The following TESC variants were observed in gnomAD, a reference collection of about 807,000 sequenced individuals.
The protein encoded by TESC is calcineurin B homologous protein 3.
In TESC, 19 loss-of-function variants were observed where a neutral mutation model predicts 31.0. That is an observed-to-expected ratio of 0.61 (90% CI 0.43 to 0.90). The LOEUF is 0.90. Ranked by LOEUF, TESC falls within the 40% of genes least tolerant of loss-of-function variation. The probability of loss-of-function intolerance (pLI) is 0.00; values close to 1 mark genes in which losing one functional copy is unlikely to be tolerated. For synonymous variants in TESC, 109 were observed against 114.8 expected (o/e 0.95, Z 0.32); for missense variants, 248 against 303.8 (o/e 0.82, Z 1.36).
intron 2 of TESC, among the ~76,000 whole-genome samples, chr12:117,058,331 T>C (rs1018534830): frequency 2.5e-4 from 38 of 152,060 alleles, no homozygotes; most frequent in African/African-American, 8.5e-4. Flanking sequence ...ACATGAATTA[T>C]CTGGAATAGG....
At chr12:117,061,324 G>A (rs1050661988) in intron 2 of TESC, among the ~76,000 whole-genome samples, 2 of 152,112 alleles carry the variant, frequency 1.3e-5, no homozygotes, top group Non-Finnish European at 2.9e-5. Flanking sequence ...ATGGCTGCAC[G>A]CAGGGCTTCC....
At chr12:117,040,151 G>A (rs1264005773) in intron 7 of TESC, among the ~76,000 whole-genome samples, 5 of 152,240 alleles carry the variant, frequency 3.3e-5, no homozygotes, top group Admixed American at 2.6e-4. Context: ...GGAGGCCTTG[G>A]GACATTTCCG....
chr12:117,044,043 C>A (rs1037688651), intron 6 of TESC, among the ~76,000 whole-genome samples: 1 of 152,108 alleles, frequency 6.6e-6, no homozygotes, highest in South Asian at 2.1e-4. Context: ...GCCAGGAGTT[C>A]GAGACCAGAC....
intron 1 of TESC, among the ~76,000 whole-genome samples, chr12:117,098,016 T>C (rs949514140): frequency 3.9e-5 from 6 of 152,186 alleles, no homozygotes; most frequent in African/African-American, 1.4e-4. Context: ...TATAAGTGCG[T>C]GCATACACAC....
chr12:117,071,147 G>A (rs376574187), intron 2 of TESC, among the ~76,000 whole-genome samples: 12 of 152,194 alleles, frequency 7.9e-5, no homozygotes, highest in South Asian at 2.1e-4. Flanking sequence ...CAGGCCTCAC[G>A]TAGGCCACGC....
intron 1 of TESC, among the ~76,000 whole-genome samples, chr12:117,079,086 G>A (rs1389318709): frequency 1.3e-5 from 2 of 152,132 alleles, no homozygotes; most frequent in Non-Finnish European, 2.9e-5. Context: ...CCTTGATAGA[G>A]GCAGACCCAC....
rs150516802 is a variant in TESC, at chr12:117,061,160, G to A, written c.129-4274C>T. 1.3e-3 allele frequency among the ~76,000 whole-genome samples: 195 copies of A among 152,332 alleles called. 1 individual carries two copies. Among genetic ancestry groups the A allele is most frequent in the African/African-American group, 4.2e-3 (175 of 41,568 alleles). ...AAGTCTGCAACATGCTCAGCACGGT[G>A]TCTGGTGAACTGGGAGTGCACCACA... On this transcript the variant is annotated intron_variant, in intron 2 of 7. Coordinates refer to ENST00000335209, the MANE Select transcript of TESC (RefSeq NM_017899.4).
At chr12:117,076,569 A>C (rs1955077151) in intron 1 of TESC, among the ~76,000 whole-genome samples, 1 of 152,062 alleles carries the variant, frequency 6.6e-6, no homozygotes. Context: ...CCAGCCTCCC[A>C]AGTAGCTGGG....
chr12:117,065,182 C>T (rs978228999), intron 2 of TESC, among the ~76,000 whole-genome samples: 1 of 152,126 alleles, frequency 6.6e-6, no homozygotes, highest in Non-Finnish European at 1.5e-5. Context: ...CACATGGTAC[C>T]GTGAGCCTGG....
chr12:117,096,646 C>A (rs1955400123), intron 1 of TESC, among the ~76,000 whole-genome samples: 1 of 152,134 alleles, frequency 6.6e-6, no homozygotes. Flanking sequence ...TCAATCCTTC[C>A]CAACAACTTC....
chr12:117,075,851 A>ATATATATATATGTGTG (rs1565971313), intron 1 of TESC, among the ~76,000 whole-genome samples: 4 of 53,734 alleles, frequency 7.4e-5, no homozygotes, highest in East Asian at 9.8e-4. Context: ...GTGTGTGTAT[A>ATATATATATATGTGTG]TATATATATA....
At chr12:117,042,830 C>T (rs1157289376) in intron 6 of TESC, among the ~76,000 whole-genome samples, 1 of 152,208 alleles carries the variant, frequency 6.6e-6, no homozygotes, top group African/African-American at 2.4e-5. Flanking sequence ...CGGTCATCCA[C>T]GCTATTGATT....
chr12:117,039,122 G>T lies in TESC; in HGVS notation c.*11C>A, dbSNP rs767413502. On this transcript the variant is annotated 3_prime_UTR_variant, in exon 8 of 8. Coordinates refer to ENST00000335209, the MANE Select transcript of TESC (RefSeq NM_017899.4). ...TGCAAAGTGCAGTTTCTCCGCGGAG[G>T]TGGCGGTGGGTCAGTGGCAGAGGGC... The T allele has an allele frequency of 6.2e-7, 1 of 1,613,812 alleles. No homozygotes were observed. The highest frequency in any genetic ancestry group is 1.1e-5 in the South Asian group (1 of 90,948).
intron 2 of TESC, among the ~76,000 whole-genome samples, chr12:117,063,064 C>A (rs780637708): frequency 3.0e-4 from 46 of 152,294 alleles, no homozygotes; most frequent in South Asian, 8.3e-4. Flanking sequence ...GAAGGGCTCG[C>A]GTGACATCAA....
chr12:117,059,337 G>A (rs1280514235), intron 2 of TESC, among the ~76,000 whole-genome samples: 2 of 152,180 alleles, frequency 1.3e-5, no homozygotes, highest in Non-Finnish European at 2.9e-5. Context: ...TGTGTCCCCG[G>A]CATGGCCTCC....
chr12:117,074,839 G>A (rs1341859032), intron 2 of TESC, among the ~76,000 whole-genome samples: 1 of 152,176 alleles, frequency 6.6e-6, no homozygotes, highest in Non-Finnish European at 1.5e-5. Context: ...GGAACATCTT[G>A]TCTTAGAAGA....
At chr12:117,077,822 C>G (rs969834230) in intron 1 of TESC, among the ~76,000 whole-genome samples, 3 of 152,032 alleles carry the variant, frequency 2.0e-5, no homozygotes, top group Admixed American at 2.0e-4. Context: ...AAGGGGAGTT[C>G]TGGGTACTAG....
At chr12:117,079,453 T>C (rs539966458) in intron 1 of TESC, among the ~76,000 whole-genome samples, 16 of 151,970 alleles carry the variant, frequency 1.1e-4, no homozygotes, top group Admixed American at 9.2e-4. Flanking sequence ...TCCCAGCTAC[T>C]TGGGAGGCTG....
intron 6 of TESC, among the ~76,000 whole-genome samples, chr12:117,044,920 G>C (rs1165865656): frequency 6.6e-6 from 1 of 152,100 alleles, no homozygotes; most frequent in Non-Finnish European, 1.5e-5. Context: ...AAAAAAGAGA[G>C]AGAGACAGAT....
Sources: allele counts gnomAD v4.1 joint callset (sites outside exome capture counted in the v4.1 genomes callset), GRCh38; gene constraint gnomAD v4.1.1; transcripts MANE v1.5; gene names NCBI Gene and HGNC (gene_info 2026-07-23, HGNC 2026-07-21).